The following ERI3 variants were observed in gnomAD, a reference collection of about 807,000 sequenced individuals.
ERI3 encodes ERI1 exoribonuclease 3.
ERI3 carries 18 observed loss-of-function variants against 44.4 expected under a neutral mutation model. The observed-to-expected ratio is 0.41, with a 90% CI of 0.28 to 0.60. The LOEUF (loss-of-function observed/expected upper bound fraction) is 0.60. Among genes scored for constraint, ERI3 ranks in the 20% least tolerant of loss-of-function variants. The pLI is 0.36. For synonymous variants in ERI3, 183 were observed against 164.8 expected, an observed-to-expected ratio of 1.11 and a Z score of -0.84; for missense variants, 294 against 435.5, an observed-to-expected ratio of 0.68 and a Z score of 2.89.
rs1481694922 is a variant in ERI3 at position 44,228,674 on chromosome 1, T to C, written c.932-7034A>G. Among the ~76,000 whole-genome samples, 1 of 152,106 alleles carries C rather than the reference T, an allele frequency of 6.6e-6. No individual in the cohort carries two copies. The highest frequency in any genetic ancestry group is 1.5e-5 in the Non-Finnish European group (1 of 68,016). Reference sequence around the variant, plus strand: ...CCATTACCCGCCAGCTCACAGCCACTTGGGGGCAGTGGGGTGGAGGGGGGG... The same window carrying C: ...CCATTACCCGCCAGCTCACAGCCACCTGGGGGCAGTGGGGTGGAGGGGGGG... On this transcript the variant is annotated intron_variant, in intron 8 of 8. Transcript: ENST00000372257. This position sits in a 1 kb window ranked among gnomAD's most constrained non-coding sequence, Gnocchi z 4.3.
intron 8 of ERI3, chr1:44,243,615 A>G (rs1346559352): frequency 6.6e-6 from 1 of 152,222 alleles, no homozygotes; most frequent in East Asian, 1.9e-4. Flanking sequence ...CATGAGGTAG[A>G]GAACTGAAAT....
chr1:44,260,736 A>T (rs1644876862), intron 7 of ERI3, among the ~76,000 whole-genome samples: 1 of 149,890 alleles, frequency 6.7e-6, no homozygotes, highest in Admixed American at 6.7e-5. Flanking sequence ...ACTTCATTCA[A>T]CTCCCCCACC....
intron 2 of ERI3, among the ~76,000 whole-genome samples, chr1:44,352,062 G>A (rs1009548663): frequency 2.0e-5 from 3 of 152,100 alleles, no homozygotes; most frequent in Non-Finnish European, 2.9e-5. Flanking sequence ...GTCAGGGAAG[G>A]TGGCTTTCTT....
chr1:44,345,770 G>A (rs1446106054), intron 2 of ERI3, among the ~76,000 whole-genome samples: 2 of 152,306 alleles, frequency 1.3e-5, no homozygotes, highest in East Asian at 3.9e-4. Flanking sequence ...AAAACAAACT[G>A]TCAAAGGTGA....
chr1:44,319,497 G>T (rs1646156466), intron 4 of ERI3, 131 bp downstream of exon 4: 2 of 634,862 alleles, frequency 3.2e-6, no homozygotes, highest in African/African-American at 1.8e-5. Context: ...AAACCTAACT[G>T]CTAGGTCTAG....
intron 6 of ERI3, among the ~76,000 whole-genome samples, chr1:44,307,707 C>T (rs765866847): frequency 1.3e-5 from 2 of 152,312 alleles, no homozygotes; most frequent in East Asian, 1.9e-4. Flanking sequence ...AGGCTGGTGA[C>T]GTGGGCAGCT....
At chr1:44,291,582 G>A (rs1283672207) in intron 6 of ERI3, among the ~76,000 whole-genome samples, 2 of 152,088 alleles carry the variant, frequency 1.3e-5, no homozygotes, top group East Asian at 3.9e-4. Context: ...CGAGGGCTGG[G>A]GATACTATAG....
chr1:44,305,303 G>T (rs1299514913), intron 6 of ERI3, among the ~76,000 whole-genome samples: 1 of 152,164 alleles, frequency 6.6e-6, no homozygotes, highest in East Asian at 1.9e-4. Flanking sequence ...CTACACCAGC[G>T]CTAACCCCAC....
chr1:44,323,026 T>C, intron 3 of ERI3: 1 of 1,043,618 alleles, frequency 9.6e-7, no homozygotes, highest in East Asian at 3.1e-5. Flanking sequence ...ACCCTGACCT[T>C]TTCTCTCAGC....
At chr1:44,332,432 A>G (rs1646449631) in intron 3 of ERI3, among the ~76,000 whole-genome samples, 1 of 152,200 alleles carries the variant, frequency 6.6e-6, no homozygotes, top group South Asian at 2.1e-4. Context: ...GTGTTCCCCA[A>G]GGAAAGTTCC....
At chr1:44,304,618 G>A (rs1645795770) in intron 6 of ERI3, among the ~76,000 whole-genome samples, 1 of 152,170 alleles carries the variant, frequency 6.6e-6, no homozygotes. Flanking sequence ...GCTCGCCCAG[G>A]TGCGTGGTTC....
chr1:44,302,078 A>G (rs187821961), intron 6 of ERI3, among the ~76,000 whole-genome samples: 216 of 152,312 alleles, frequency 1.4e-3, no homozygotes, highest in African/African-American at 4.7e-3. Context: ...CTGTCGGCCA[A>G]TCAGAAGGCT....
chr1:44,246,221 TG>T (rs759672949), intron 8 of ERI3, among the ~76,000 whole-genome samples: 1 of 152,246 alleles, frequency 6.6e-6, no homozygotes, highest in African/African-American at 2.4e-5. Flanking sequence ...TGTAGGTGTC[TG>T]AACTTGTCCT....
chr1:44,322,682 T>G, intron 3 of ERI3: 4 of 1,511,622 alleles, frequency 2.6e-6, no homozygotes, highest in Non-Finnish European at 3.5e-6. Flanking sequence ...AAAGACTCTC[T>G]GAGAAATTAG....
At chr1:44,255,532 T>C (rs1388262393) in intron 7 of ERI3, among the ~76,000 whole-genome samples, 3 of 152,186 alleles carry the variant, frequency 2.0e-5, no homozygotes, top group Admixed American at 1.3e-4. Context: ...CTTGGGTGAT[T>C]TCCTCAAGTC....
intron 7 of ERI3, among the ~76,000 whole-genome samples, chr1:44,264,693 G>C (rs1644956981): frequency 6.6e-6 from 1 of 152,140 alleles, no homozygotes; most frequent in South Asian, 2.1e-4. Flanking sequence ...ACAAGGAAGG[G>C]GGGGCAGCCA....
chr1:44,354,918 C>T lies in ERI3; in HGVS notation c.109G>A (p.Gly37Ser). ...CCGGGGTGTTGCCCCCAACTCGGGC[C>T]CATCCAAGTCCAGGGGAGAGTAAGG... ...PPLTLPWTWM[G>S]PSWGQHPGHW... is the part of the protein sequence containing the mutation. Residue 37 changes from glycine to serine, a missense_variant, in exon 1 of 9, where the codon GGC (glycine) becomes AGC (serine). Physicochemically the swap from Gly to Ser is moderately conservative, Grantham distance 56. Coordinates refer to ENST00000372257, the MANE Select transcript of ERI3 (RefSeq NM_024066.3). 7 of 1,321,416 alleles carry T rather than the reference C, an allele frequency of 5.3e-6. No individual in the cohort carries two copies. The highest frequency in any genetic ancestry group is 6.8e-6 in the Non-Finnish European group (7 of 1,026,628). The allele number at this position is 1,321,416 out of a possible 1,614,324, so 81.9% of individuals were successfully genotyped here.
intron 3 of ERI3, among the ~76,000 whole-genome samples, chr1:44,324,357 C>T (rs1646263405): frequency 6.6e-6 from 1 of 152,004 alleles, no homozygotes; most frequent in South Asian, 2.1e-4. Flanking sequence ...TCTACTAGAT[C>T]TACTCTCATC....
At chr1:44,310,963 G>GCGCGCGCGCGCGCGCGCA (rs1373873768) in intron 5 of ERI3, among the ~76,000 whole-genome samples, 26 of 123,198 alleles carry the variant, frequency 2.1e-4, no homozygotes, top group Admixed American at 4.0e-4. Flanking sequence ...GCGCGCGCGC[G>GCGCGCGCGCGCGCGCGCA]CACACACACA....
Sources: allele counts gnomAD v4.1 joint callset (sites outside exome capture counted in the v4.1 genomes callset), GRCh38; gene constraint gnomAD v4.1.1; non-coding constraint Gnocchi (gnomAD v3.1); transcripts MANE v1.5; gene names NCBI Gene and HGNC (gene_info 2026-07-23, HGNC 2026-07-21).